DRC11: variants seen among roughly 807,000 people sequenced by gnomAD.
The protein encoded by DRC11 is IQ and AAA domain-containing protein 1.
chr2:236,361,541 T>A, the DRC11 span, among the ~76,000 whole-genome samples: 2 of 152,170 alleles, frequency 1.3e-5, no homozygotes, highest in Non-Finnish European at 2.9e-5. The surrounding 1 kb of genome is among the most constrained non-coding windows in gnomAD (Gnocchi z 5.7). Flanking sequence ...AGGACAGAGA[T>A]AATAAATGGA....
the DRC11 span, among the ~76,000 whole-genome samples, chr2:236,309,162 C>A: frequency 1.1e-4 from 16 of 152,104 alleles, no homozygotes; most frequent in Non-Finnish European, 2.1e-4. The surrounding 1 kb of genome is among the most constrained non-coding windows in gnomAD (Gnocchi z 5.7). Context: ...GCACAGTGGC[C>A]GAGAACTCCC....
chr2:236,488,229 T>C, the DRC11 span: 2 of 1,431,456 alleles, frequency 1.4e-6, no homozygotes, highest in South Asian at 1.4e-5. Flanking sequence ...TGTTTGAACA[T>C]GTTAACCACA....
the DRC11 span, among the ~76,000 whole-genome samples, chr2:236,381,905 T>G: frequency 6.6e-6 from 1 of 152,196 alleles, no homozygotes; most frequent in African/African-American, 2.4e-5. The surrounding 1 kb of genome is among the most constrained non-coding windows in gnomAD (Gnocchi z 5.8). Context: ...GGTTTGCAAA[T>G]ATTTCCTCCC....
At chr2:236,307,942 C>T in the DRC11 span, among the ~76,000 whole-genome samples, 1 of 146,146 alleles carries the variant, frequency 6.8e-6, no homozygotes, top group Non-Finnish European at 1.5e-5. This position sits in a 1 kb window ranked among gnomAD's most constrained non-coding sequence, Gnocchi z 7.0. Flanking sequence ...GGTGTGCTTG[C>T]AGTGACACAA....
At chr2:236,355,502 C>T in the DRC11 span, among the ~76,000 whole-genome samples, 1 of 152,228 alleles carries the variant, frequency 6.6e-6, no homozygotes, top group African/African-American at 2.4e-5. Flanking sequence ...GGACGACCCA[C>T]TCAAGACTCA....
At chr2:236,379,102 C>T in the DRC11 span, among the ~76,000 whole-genome samples, 5 of 152,270 alleles carry the variant, frequency 3.3e-5, no homozygotes, top group East Asian at 7.7e-4. Context: ...CCTCTGGGTG[C>T]TCTGCCCTCC....
At chr2:236,460,303 GT>G in the DRC11 span, among the ~76,000 whole-genome samples, 4,754 of 152,274 alleles carry the variant, frequency 0.031, 234 homozygotes, top group East Asian at 0.18. The surrounding 1 kb of genome is among the most constrained non-coding windows in gnomAD (Gnocchi z 4.0). Context: ...GGACAGGCCG[GT>G]GAGGGCTGGA....
chr2:236,456,157 C>T, the DRC11 span, among the ~76,000 whole-genome samples: 3 of 152,164 alleles, frequency 2.0e-5, no homozygotes, highest in African/African-American at 7.2e-5. This position sits in a 1 kb window ranked among gnomAD's most constrained non-coding sequence, Gnocchi z 5.4. Context: ...GATGGACTTC[C>T]TATAGGTTTA....
At chr2:236,478,900 C>T in the DRC11 span, among the ~76,000 whole-genome samples, 1 of 150,384 alleles carries the variant, frequency 6.6e-6, no homozygotes, top group Non-Finnish European at 1.5e-5. This position sits in a 1 kb window ranked among gnomAD's most constrained non-coding sequence, Gnocchi z 5.9. Context: ...TCTCGGCTCA[C>T]TACAGCCACC....
At chr2:236,309,160 G>A in the DRC11 span, among the ~76,000 whole-genome samples, 851 of 152,272 alleles carry the variant, frequency 5.6e-3, 6 homozygotes, top group African/African-American at 0.02. The surrounding 1 kb of genome is among the most constrained non-coding windows in gnomAD (Gnocchi z 5.7). Flanking sequence ...CCGCACAGTG[G>A]CCGAGAACTC....
chr2:236,488,986 A>G, the DRC11 span, among the ~76,000 whole-genome samples: 3 of 146,830 alleles, frequency 2.0e-5, no homozygotes, highest in African/African-American at 7.7e-5. Flanking sequence ...CTCCGGGTGC[A>G]TGCTGGGGCC....
At chr2:236,343,773 T>C in the DRC11 span, 1 of 1,301,348 alleles carries the variant, frequency 7.7e-7, no homozygotes, top group East Asian at 5.6e-5. This position sits in a 1 kb window ranked among gnomAD's most constrained non-coding sequence, Gnocchi z 6.6. Context: ...ACTACAAGAG[T>C]CCCAGATTAA....
the DRC11 span, among the ~76,000 whole-genome samples, chr2:236,505,798 C>T: frequency 1.3e-5 from 2 of 152,144 alleles, no homozygotes; most frequent in Admixed American, 6.5e-5. Context: ...ACGATGTCAC[C>T]CACTTCTCCC....
the DRC11 span, chr2:236,331,863 C>T: frequency 8.9e-6 from 4 of 448,598 alleles, no homozygotes; most frequent in African/African-American, 7.8e-5. This position sits in a 1 kb window ranked among gnomAD's most constrained non-coding sequence, Gnocchi z 4.8. Context: ...CACAAAACCA[C>T]CGTCAGTATA....
the DRC11 span, among the ~76,000 whole-genome samples, chr2:236,386,552 T>C: frequency 6.6e-6 from 1 of 152,020 alleles, no homozygotes; most frequent in Admixed American, 6.5e-5. Flanking sequence ...TTCTTCTCTC[T>C]TTTTTTCTTT....
the DRC11 span, among the ~76,000 whole-genome samples, chr2:236,310,536 ACT>A: frequency 6.6e-6 from 1 of 152,220 alleles, no homozygotes; most frequent in South Asian, 2.1e-4. The surrounding 1 kb of genome is among the most constrained non-coding windows in gnomAD (Gnocchi z 5.5). Flanking sequence ...GAAAATAAAG[ACT>A]CTCTGCATAG....
chr2:236,495,342 TA>T, the DRC11 span, among the ~76,000 whole-genome samples: 25 of 151,622 alleles, frequency 1.6e-4, no homozygotes, highest in African/African-American at 4.4e-4. The surrounding 1 kb of genome is among the most constrained non-coding windows in gnomAD (Gnocchi z 5.6). Flanking sequence ...AAACTCCATC[TA>T]AAAAAAAATT....
the DRC11 span, among the ~76,000 whole-genome samples, chr2:236,495,292 G>A: frequency 6.6e-6 from 1 of 152,178 alleles, no homozygotes; most frequent in Non-Finnish European, 1.5e-5. This position sits in a 1 kb window ranked among gnomAD's most constrained non-coding sequence, Gnocchi z 5.6. Flanking sequence ...GCAGTGAGCT[G>A]AGCTTGCACC....
At chr2:236,380,474 G>A in the DRC11 span, 1 of 913,668 alleles carries the variant, frequency 1.1e-6, no homozygotes, top group Non-Finnish European at 1.8e-6. The surrounding 1 kb of genome is among the most constrained non-coding windows in gnomAD (Gnocchi z 4.9). Context: ...AGGATGAAGA[G>A]GGCGTGGCAT....
Sources: gnomAD v4.1 joint callset for allele counts (sites outside exome capture counted in the v4.1 genomes callset) on GRCh38, gnomAD v4.1.1 for gene constraint, Gnocchi (gnomAD v3.1) non-coding constraint, MANE v1.5 for transcripts, NCBI Gene and HGNC (gene_info 2026-07-23, HGNC 2026-07-21) for gene names.